FAM186A: variants seen among roughly 807,000 people sequenced by gnomAD.
The protein encoded by FAM186A is protein FAM186A.
FAM186A carries 163 observed loss-of-function variants against 216.8 expected under a neutral mutation model. The observed-to-expected ratio is 0.75, with a 90% CI of 0.66 to 0.86. FAM186A has a LOEUF of 0.86. Among genes scored for constraint, FAM186A ranks in the 40% least tolerant of loss-of-function variants. FAM186A has a pLI of 0.00. For missense variants in FAM186A, 2,184 were observed against 2,746.2 expected, an observed-to-expected ratio of 0.80 and a Z score of 4.58; for synonymous variants, 805 against 1,025.3, an observed-to-expected ratio of 0.79 and a Z score of 4.10.
intron 3 of FAM186A, among the ~76,000 whole-genome samples, chr12:50,360,464 A>G (rs1943022118): frequency 1.3e-5 from 2 of 150,376 alleles, no homozygotes; most frequent in Admixed American, 1.3e-4. Context: ...GCAGGTGGAT[A>G]ACTTGAGGTC....
Position 50,351,063 on chromosome 12 carries a change from C to T in FAM186A, c.5769G>A (p.Trp1923Ter). The change falls in exon 4 of 8, where the codon TGG (tryptophan) becomes TGA (stop). Residue 1923 changes from tryptophan (W) to a stop codon, truncating the protein, a stop_gained. Coordinates refer to ENST00000327337, the MANE Select transcript of FAM186A (RefSeq NM_001145475.3). LOFTEE classifies it high-confidence loss of function. ...WTLPGRASSL[W>*]IPPTSRHPPT... Reference sequence around the variant, plus strand: ...GAGGATGTCTAGAGGTGGGAGGGATCCATAATGAAGAAGCTCGCCCAGGAA... The same window carrying T: ...GAGGATGTCTAGAGGTGGGAGGGATTCATAATGAAGAAGCTCGCCCAGGAA... 1.3e-6 allele frequency: 2 copies of T among 1,551,342 alleles called. No homozygotes were observed. The highest frequency in any genetic ancestry group is 2.4e-5 in the South Asian group (2 of 84,044).
In FAM186A at chr12:50,354,385, T is replaced by C. The variant is rs771078942; in HGVS notation, c.2447A>G (p.Lys816Arg). ...CTCCTGCCTTTGTTTTTCCTTCTCC[T>C]TGTGGTCTTTCTGTACTGTTGAGAC... The part of the protein sequence containing the change: ...PTVSTVQKDH[K>R]EKEKQRQEQY... The change falls in exon 4 of 8, where the codon AAG (lysine) becomes AGG (arginine). Residue 816 changes from lysine to arginine, a missense_variant. Lys to Arg is a conservative substitution (Grantham distance 26). This residue lies in a region of FAM186A where 1,132 missense variants were observed against 1,263.4 expected (regional missense o/e 0.90). Coordinates refer to ENST00000327337, the MANE Select transcript of FAM186A (RefSeq NM_001145475.3). 1.3e-6 allele frequency: 2 copies of C among 1,551,610 alleles called. No homozygotes were observed. Among genetic ancestry groups the C allele is most frequent in the Non-Finnish European group, 8.7e-7 (1 of 1,146,998 alleles).
chr12:50,388,359 C>T (rs1052892958), intron 1 of FAM186A, among the ~76,000 whole-genome samples: 8 of 152,208 alleles, frequency 5.3e-5, no homozygotes, highest in African/African-American at 1.9e-4. Flanking sequence ...TGGCTCACAC[C>T]TGTAATCGCA....
chr12:50,370,144 A>AAAAAAAAAAAC (rs1943130157), intron 1 of FAM186A, among the ~76,000 whole-genome samples: 1 of 149,026 alleles, frequency 6.7e-6, no homozygotes, highest in Admixed American at 6.7e-5. Flanking sequence ...AAAAAAAAAA[A>AAAAAAAAAAAC]AAAGCAAAAC....
chr12:50,393,477 G>A lies in FAM186A; in HGVS notation c.192+2816C>T, dbSNP rs149148470. ...GAATTGCTTGAGCCTGGGAGGCGGA[G>A]GTTGCAGTGATCCGAGGTGGTGCCA... On this transcript the variant is annotated intron_variant, in intron 1 of 7. Transcript: ENST00000327337. Among the ~76,000 whole-genome samples, 492 of 151,950 alleles carry A rather than the reference G, an allele frequency of 3.2e-3. 5 individuals are homozygous for A. The highest frequency in any genetic ancestry group is 9.9e-3 in the African/African-American group (410 of 41,496).
intron 4 of FAM186A, among the ~76,000 whole-genome samples, chr12:50,347,529 G>A (rs1050224586): frequency 4.9e-4 from 75 of 151,950 alleles, no homozygotes; most frequent in Middle Eastern, 6.8e-3. Flanking sequence ...TCAGGAGTTC[G>A]AGACCAGCCT....
At chr12:50,374,632 G>A (rs1046849675) in intron 1 of FAM186A, among the ~76,000 whole-genome samples, 1 of 152,110 alleles carries the variant, frequency 6.6e-6, no homozygotes, top group African/African-American at 2.4e-5. Context: ...TAATAAATGA[G>A]GAATAGAGGG....
chr12:50,334,607 A>G (rs1201024341), intron 4 of FAM186A, among the ~76,000 whole-genome samples: 1 of 151,800 alleles, frequency 6.6e-6, no homozygotes, highest in Non-Finnish European at 1.5e-5. Flanking sequence ...CCTCCCAAGT[A>G]GCTGGGAATA....
chr12:50,393,392 C>T (rs1456495577), intron 1 of FAM186A, among the ~76,000 whole-genome samples: 1 of 151,082 alleles, frequency 6.6e-6, no homozygotes, highest in Non-Finnish European at 1.5e-5. Flanking sequence ...CAAAAATCAA[C>T]CGGGCATGAC....
chr12:50,354,742 G>C lies in FAM186A; in HGVS notation c.2090C>G (p.Pro697Arg), dbSNP rs369441605. Reference protein sequence around the residue: ...IGKAFDKKTVPKEEELLKRAE... With the variant: ...IGKAFDKKTVRKEEELLKRAE... ...TCTTTTTAATAACTCCTCTTCCTTCGGAACAGTCTTTTTGTCAAAAGCCTT... is the reference window on the plus strand; with the variant it reads ...TCTTTTTAATAACTCCTCTTCCTTCCGAACAGTCTTTTTGTCAAAAGCCTT... Residue 697 changes from proline (P) to arginine (R), a missense_variant, in exon 4 of 8, where the codon CCG becomes CGG. Transcript: ENST00000327337. The C allele has an allele frequency of 1.3e-6, 2 of 1,543,786 alleles. No homozygotes were observed. The highest frequency in any genetic ancestry group is 2.0e-5 in the Admixed American group (1 of 49,556).
In FAM186A at chr12:50,356,087, T is replaced by C; in HGVS notation, c.745A>G (p.Met249Val). ...GMLQELIGTTMFSTLENNAIK... is the reference protein window; with the variant it reads ...GMLQELIGTTVFSTLENNAIK... ...GCATTGTTTTCCAATGTACTGAACA[T>C]TGTGGTGCCTATGAGTTCCTGTAGC... Residue 249 changes from methionine (M) to valine (V), a missense_variant, in exon 4 of 8, where the codon ATG becomes GTG. Around this residue, in one of 7 missense-constraint regions of FAM186A, gnomAD observed 1,132 missense variants for 1,263.4 expected, o/e 0.90. Coordinates refer to ENST00000327337, the MANE Select transcript of FAM186A (RefSeq NM_001145475.3). The C allele has an allele frequency of 1.3e-6, 2 of 1,551,650 alleles. No homozygotes were observed. Among genetic ancestry groups the C allele is most frequent in the Non-Finnish European group, 1.7e-6 (2 of 1,146,976 alleles).
intron 2 of FAM186A, among the ~76,000 whole-genome samples, chr12:50,361,887 A>G (rs1026227809): frequency 2.7e-5 from 4 of 150,894 alleles, no homozygotes; most frequent in African/African-American, 9.7e-5. Flanking sequence ...CAGTATTTCT[A>G]ACCCTCGCTG....
At chr12:50,385,889 G>A (rs1217388786) in intron 1 of FAM186A, among the ~76,000 whole-genome samples, 2 of 150,860 alleles carry the variant, frequency 1.3e-5, no homozygotes, top group South Asian at 4.2e-4. Context: ...GCAACAGAGC[G>A]AGACTCCATC....
chr12:50,357,884 CAGG>C (rs1201300423), intron 3 of FAM186A, among the ~76,000 whole-genome samples: 1 of 151,952 alleles, frequency 6.6e-6, no homozygotes, highest in Non-Finnish European at 1.5e-5. Context: ...TCGGCTGAGG[CAGG>C]AGAATCGCTG....
chr12:50,350,841 G>C lies in FAM186A; in HGVS notation c.5991C>G (p.Ser1997=), dbSNP rs768477883. The C allele has an allele frequency of 1.3e-6, 2 of 1,551,582 alleles. No individual in the cohort carries two copies. Among genetic ancestry groups the C allele is most frequent in the Non-Finnish European group, 8.7e-7 (1 of 1,146,974 alleles). Residue 1997 remains serine (S), a synonymous_variant, in exon 4 of 8, where the codon TCC becomes TCG. Transcript: ENST00000327337. The part of the protein sequence containing the change: ...KFQMSEVSDT[S]EETQILRDTF... ...TGTCTCGAAGTATCTGGGTTTCTTCGGAAGTGTCAGAGACCTCCGACATTT... is the reference window on the plus strand; with the variant it reads ...TGTCTCGAAGTATCTGGGTTTCTTCCGAAGTGTCAGAGACCTCCGACATTT...
At position 50,353,426 on chromosome 12, in the gene FAM186A, TGAGAGG is replaced by T; in HGVS notation, c.3400_3405del (p.Pro1134_Leu1135del). 1 of 1,529,344 alleles carries T rather than the reference TGAGAGG, an allele frequency of 6.5e-7. No individual in the cohort carries two copies. The highest frequency in any genetic ancestry group is 1.2e-5 in the South Asian group (1 of 81,004). 94.7% of individuals were successfully genotyped at this position (1,529,344 alleles called of 1,614,324 possible). ...CCTTGAACCTGGGTCTGCTGAGGGG[TGAGAGG>T]GATCCCCAGGGCCTGCGCCTGCTGA... On this transcript the variant is annotated inframe_deletion, in exon 4 of 8. Transcript: ENST00000327337.
At position 50,355,925 on chromosome 12, in the gene FAM186A, G is replaced by A; in HGVS notation, c.907C>T (p.Leu303=). Residue 303 remains leucine (L), a synonymous_variant, in exon 4 of 8, where the codon CTG becomes TTG. Coordinates refer to ENST00000327337, the MANE Select transcript of FAM186A (RefSeq NM_001145475.3). ...ETSEAEKELS[L]KIIRDLSNEN... is the part of the protein sequence containing the mutation. Reference sequence around the variant, plus strand: ...TTACTGAGATCTCGTATTATCTTCAGAGAGAGCTCCTTTTCTGCTTCACTT... The same window carrying A: ...TTACTGAGATCTCGTATTATCTTCAAAGAGAGCTCCTTTTCTGCTTCACTT... 1 of 1,551,500 alleles carries A rather than the reference G, an allele frequency of 6.4e-7. No individual in the cohort carries two copies. The highest frequency in any genetic ancestry group is 8.7e-7 in the Non-Finnish European group (1 of 1,146,974).
At chr12:50,347,929 A>G (rs1456543346) in intron 4 of FAM186A, among the ~76,000 whole-genome samples, 1 of 151,268 alleles carries the variant, frequency 6.6e-6, no homozygotes, top group Non-Finnish European at 1.5e-5. Context: ...TTTTGAGACG[A>G]CGGCACAGTC....
intron 1 of FAM186A, among the ~76,000 whole-genome samples, chr12:50,382,200 C>T (rs1943259208): frequency 6.8e-6 from 1 of 147,752 alleles, no homozygotes; most frequent in Non-Finnish European, 1.5e-5. Flanking sequence ...ATACACATAT[C>T]ACACCACTGC....
Sources: allele counts gnomAD v4.1 joint callset (sites outside exome capture counted in the v4.1 genomes callset), GRCh38; gene constraint gnomAD v4.1.1; regional missense constraint gnomAD v4.1.1; transcripts MANE v1.5; gene names NCBI Gene and HGNC (gene_info 2026-07-23, HGNC 2026-07-21).